TEX14: variants seen among roughly 807,000 people sequenced by gnomAD.
TEX14 encodes inactive serine/threonine-protein kinase TEX14.
TEX14 carries 168 observed loss-of-function variants against 178.6 expected under a neutral mutation model. That is an observed-to-expected ratio of 0.94 (90% CI 0.83 to 1.07). TEX14 has a LOEUF of 1.07. Among genes scored for constraint, TEX14 ranks in the 50% least tolerant of loss-of-function variants. The probability of loss-of-function intolerance (pLI) is 0.00; values close to 1 mark genes in which losing one functional copy is unlikely to be tolerated. For missense variants in TEX14, 1,730 were observed against 1,753.6 expected (o/e 0.99, Z 0.24); for synonymous variants, 626 against 634.1 (o/e 0.99, Z 0.19).
chr17:58,661,740 T>C (rs187667410), intron 1 of TEX14: 19 of 566,072 alleles, frequency 3.4e-5, no homozygotes, highest in African/African-American at 1.1e-4. Flanking sequence ...GGGGGCGGCA[T>C]AGGGGAAGGC....
intron 24 of TEX14, among the ~76,000 whole-genome samples, chr17:58,570,908 G>A (rs1409723727): frequency 6.6e-6 from 1 of 152,006 alleles, no homozygotes; most frequent in African/African-American, 2.4e-5. Context: ...TGGGATTACA[G>A]GCATAAGCCA....
At chr17:58,659,276 A>C in intron 1 of TEX14, 1 of 905,246 alleles carries the variant, frequency 1.1e-6, no homozygotes, top group Non-Finnish European at 1.3e-6. Flanking sequence ...TATCAGGACC[A>C]ACAGCGTCTC....
chr17:58,638,081 C>T (rs1355088970), intron 2 of TEX14, among the ~76,000 whole-genome samples: 1 of 151,948 alleles, frequency 6.6e-6, no homozygotes, highest in Non-Finnish European at 1.5e-5. Context: ...AGGCTGATCT[C>T]GAACTCCTGA....
In TEX14 at chr17:58,615,250, G is replaced by T. The variant is rs1309128354; in HGVS notation, c.863C>A (p.Ala288Asp). 4.3e-6 allele frequency: 7 copies of T among 1,612,016 alleles called. No homozygotes were observed. Among genetic ancestry groups the T allele is most frequent in the East Asian group, 2.2e-5 (1 of 44,850 alleles). Residue 288 changes from alanine (A) to aspartate (D), a missense_variant, in exon 8 of 32, where the codon GCC becomes GAC. By Grantham distance (126) the Ala-to-Asp change is moderately radical. Around this residue, in one of 2 missense-constraint regions of TEX14, gnomAD observed 789 missense variants for 681.2 expected, o/e 1.16. Coordinates refer to ENST00000349033, the MANE Select transcript of TEX14 (RefSeq NM_031272.5). ...TTCTCACCTGCTGTGTTCCTGCTCGGCAATTAACAAGTCGGCCAGCCGCAG... is the reference window on the plus strand; with the variant it reads ...TTCTCACCTGCTGTGTTCCTGCTCGTCAATTAACAAGTCGGCCAGCCGCAG... ...SRLRLADLLI[A>D]EQEHSSKLRH...
chr17:58,612,826 G>A (rs2045779735), intron 9 of TEX14, among the ~76,000 whole-genome samples: 1 of 151,562 alleles, frequency 6.6e-6, no homozygotes, highest in Admixed American at 6.6e-5. Context: ...GATCATTTGA[G>A]CCCAGGAGTT....
chr17:58,647,902 T>C (rs146514404), intron 2 of TEX14: 7,332 of 152,258 alleles, frequency 0.048, 370 homozygotes, highest in African/African-American at 0.13. Flanking sequence ...TTCACCATGT[T>C]GGCCAGGCTG....
intron 10 of TEX14, among the ~76,000 whole-genome samples, chr17:58,609,749 A>G (rs187893188): frequency 8.5e-5 from 13 of 152,342 alleles, no homozygotes; most frequent in Admixed American, 2.0e-4. Context: ...GAGCCTTTTT[A>G]TATCATTTGT....
chr17:58,676,441 T>A (rs1478217688), intron 1 of TEX14, among the ~76,000 whole-genome samples: 1 of 151,074 alleles, frequency 6.6e-6, no homozygotes, highest in East Asian at 1.9e-4. Context: ...GCGTCTGTAA[T>A]CTCAGCTACT....
chr17:58,564,917 C>T lies in TEX14; in HGVS notation c.4016G>A (p.Ser1339Asn), dbSNP rs769924727. 1 of 1,608,000 alleles carries T rather than the reference C, an allele frequency of 6.2e-7. No homozygotes were observed. Among genetic ancestry groups the T allele is most frequent in the South Asian group, 1.1e-5 (1 of 89,914 alleles). Residue 1339 changes from serine (S) to asparagine (N), a missense_variant, in exon 28 of 32, where the codon AGT becomes AAT. Coordinates refer to ENST00000349033, the MANE Select transcript of TEX14 (RefSeq NM_031272.5). The part of the protein sequence containing the change: ...QETDSKKEDS[S>N]MLLSKETEDL... The stretch of plus-strand genomic sequence containing the variant: ...TTCAGTTTCTTTGGACAAAAGCATA[C>T]TACTATCTTCTTTTTTACTGTCAGT...
intron 19 of TEX14, among the ~76,000 whole-genome samples, chr17:58,583,096 G>A (rs534008940): frequency 2.0e-5 from 3 of 150,334 alleles, no homozygotes; most frequent in Admixed American, 6.6e-5. Context: ...TCAGCCTCCC[G>A]AATAGCTGAG....
intron 1 of TEX14, among the ~76,000 whole-genome samples, chr17:58,662,859 C>T (rs1673543515): frequency 6.6e-6 from 1 of 152,168 alleles, no homozygotes; most frequent in South Asian, 2.1e-4. Flanking sequence ...GTGGCTCACG[C>T]TTGTAATCCC....
In TEX14 at chr17:58,662,423, A is replaced by T. The variant is rs958796239; in HGVS notation, c.-1-10421T>A. Among the ~76,000 whole-genome samples the T allele has an allele frequency of 9.8e-4, 144 of 146,348 alleles. 1 individual carries two copies. Among genetic ancestry groups the T allele is most frequent in the African/African-American group, 3.4e-3 (139 of 40,496 alleles). On this transcript the variant is annotated intron_variant, in intron 1 of 31. Transcript: ENST00000349033. Reference sequence around the variant, plus strand: ...TATATAGCACACATATCTCACACACACACACACACACACACACACACACAC... The same window carrying T: ...TATATAGCACACATATCTCACACACTCACACACACACACACACACACACAC...
At chr17:58,661,414 G>T (rs747864699) in intron 1 of TEX14, 3 of 837,916 alleles carry the variant, frequency 3.6e-6, no homozygotes, top group South Asian at 1.3e-5. Context: ...GGCTGAACAA[G>T]TCAAGCTGCG....
intron 11 of TEX14, among the ~76,000 whole-genome samples, chr17:58,603,621 G>A (rs1187009053): frequency 1.3e-5 from 2 of 150,862 alleles, no homozygotes; most frequent in Non-Finnish European, 2.9e-5. Context: ...TTAGGAGGCT[G>A]AGGTGGGCGG....
At chr17:58,560,178 AT>A (rs1238400997) in intron 29 of TEX14, among the ~76,000 whole-genome samples, 1 of 152,116 alleles carries the variant, frequency 6.6e-6, no homozygotes. Flanking sequence ...TGCTTTGGAC[AT>A]TGTCAGTGCT....
At position 58,559,476 on chromosome 17, in the gene TEX14, C is replaced by A. The variant is rs1417809996; in HGVS notation, c.4244G>T (p.Gly1415Val). ...SITPERRKSEGVLGTSEEDEL... is the reference protein window; with the variant it reads ...SITPERRKSEVVLGTSEEDEL... ...ACCTTCTTCAGAAGTCCCTAGAACA[C>A]CCTCTGATTTCCTTCTTTCTGGTGT... The change falls in exon 30 of 32, where the codon GGT becomes GTT. Residue 1415 changes from glycine to valine, a missense_variant. Physicochemically the swap from Gly to Val is moderately radical, Grantham distance 109. Around this residue, in one of 2 missense-constraint regions of TEX14, gnomAD observed 941 missense variants for 1,072.4 expected, o/e 0.88. Transcript: ENST00000349033. 1 of 1,513,840 alleles carries A rather than the reference C, an allele frequency of 6.6e-7. No individual in the cohort carries two copies. The highest frequency in any genetic ancestry group is 1.1e-5 in the South Asian group (1 of 88,212). 93.8% of individuals were successfully genotyped at this position (1,513,840 alleles called of 1,614,324 possible). A position where few individuals can be genotyped will look rare whatever the true frequency, so the allele number is the denominator to read the frequency against.
At chr17:58,645,633 C>T (rs1216216890) in intron 2 of TEX14, among the ~76,000 whole-genome samples, 1 of 152,196 alleles carries the variant, frequency 6.6e-6, no homozygotes, top group Non-Finnish European at 1.5e-5. Context: ...GCTGGGATTA[C>T]AGGCATGAGC....
chr17:58,638,052 G>A (rs540956971), intron 2 of TEX14, among the ~76,000 whole-genome samples: 1 of 152,000 alleles, frequency 6.6e-6, no homozygotes, highest in South Asian at 2.1e-4. Context: ...AGTACAGATG[G>A]GGTTTCACTA....
In TEX14 at chr17:58,616,208, G is replaced by A; in HGVS notation, c.734C>T (p.Ser245Phe). 1.2e-6 allele frequency: 2 copies of A among 1,613,912 alleles called. No homozygotes were observed. Among genetic ancestry groups the A allele is most frequent in the Admixed American group, 1.7e-5 (1 of 59,968 alleles). Reference protein sequence around the residue: ...VIQADDEPTFSFFSGPYMVMT... With the variant: ...VIQADDEPTFFFFSGPYMVMT... Reference sequence around the variant, plus strand: ...GACCATGTAGGGGCCGCTGAAGAAAGAGAAGGTGGGCTCATCATCAGCTTG... The same window carrying A: ...GACCATGTAGGGGCCGCTGAAGAAAAAGAAGGTGGGCTCATCATCAGCTTG... The change falls in exon 7 of 32, where the codon TCT becomes TTT. Residue 245 changes from serine to phenylalanine, a missense_variant. Around this residue, in one of 2 missense-constraint regions of TEX14, gnomAD observed 789 missense variants for 681.2 expected, o/e 1.16. Transcript: ENST00000349033.
Sources: gnomAD v4.1 joint callset for allele counts (sites outside exome capture counted in the v4.1 genomes callset) on GRCh38, gnomAD v4.1.1 for gene constraint, gnomAD v4.1.1 regional missense constraint, MANE v1.5 for transcripts, NCBI Gene and HGNC (gene_info 2026-07-23, HGNC 2026-07-21) for gene names.